GTPBP4: variants seen among roughly 807,000 people sequenced by gnomAD.
GTPBP4 encodes GTP binding protein 4.
Under a neutral mutation model 81.7 loss-of-function variants are expected in GTPBP4, and 15 were observed. The observed-to-expected ratio is 0.18, with a 90% CI of 0.12 to 0.28. The LOEUF is 0.28. Among genes scored for constraint, GTPBP4 ranks in the 10% least tolerant of loss-of-function variants. The pLI, the probability that GTPBP4 is intolerant of heterozygous loss-of-function variation, is 1.00. For synonymous variants in GTPBP4, 272 were observed against 274.6 expected (o/e 0.99, Z 0.09); for missense variants, 847 against 793.8 (o/e 1.07, Z -0.81).
At chr10:1,011,878 T>C (rs1831882388) in intron 13 of GTPBP4, among the ~76,000 whole-genome samples, 1 of 152,178 alleles carries the variant, frequency 6.6e-6, no homozygotes, top group Admixed American at 6.5e-5. Context: ...GAGACTTCCC[T>C]CCTCCGCACA....
chr10:1,016,239 A>T (rs964343892), intron 16 of GTPBP4, among the ~76,000 whole-genome samples: 1 of 152,186 alleles, frequency 6.6e-6, no homozygotes, highest in Non-Finnish European at 1.5e-5. Context: ...AAGTCCAGCA[A>T]GCCCCCCATG....
intron 4 of GTPBP4, 75 bp downstream of exon 4, chr10:996,317 G>A (rs1831537786): frequency 7.5e-7 from 1 of 1,341,024 alleles, no homozygotes; most frequent in Non-Finnish European, 1.0e-6. Flanking sequence ...GACTTGAGAT[G>A]TCTGTTTTTC....
chr10:992,445 T>C, intron 1 of GTPBP4, 44 bp from the exon 2 acceptor site: 1 of 1,179,944 alleles, frequency 8.5e-7, no homozygotes. Flanking sequence ...GGCTCAAAAG[T>C]AGACCCTTTT....
rs774535404 is a variant in GTPBP4 at position 1,019,866 on chromosome 10, C to T, written c.*2639C>T. On this transcript the variant is annotated 3_prime_UTR_variant, in exon 17 of 17. Coordinates refer to ENST00000360803, the MANE Select transcript of GTPBP4 (RefSeq NM_012341.3). Reference sequence around the variant, plus strand: ...ACAGAAATTGGTGCAGTGTTAACAACGCTAATGTAAAACACAGAATTTACA... The same window carrying T: ...ACAGAAATTGGTGCAGTGTTAACAATGCTAATGTAAAACACAGAATTTACA... The T allele has an allele frequency of 3.6e-5, 52 of 1,451,270 alleles. No homozygotes were observed. Among genetic ancestry groups the T allele is most frequent in the Admixed American group, 3.1e-4 (18 of 58,330 alleles). 89.9% of individuals were successfully genotyped at this position (1,451,270 alleles called of 1,614,324 possible).
chr10:990,472 C>T (rs1831422312), intron 1 of GTPBP4, among the ~76,000 whole-genome samples: 1 of 152,042 alleles, frequency 6.6e-6, no homozygotes, highest in African/African-American at 2.4e-5. Context: ...CCTGTAATCC[C>T]AGCACTTTGG....
intron 12 of GTPBP4, 66 bp downstream of exon 12, chr10:1,009,646 G>A: frequency 1.1e-6 from 1 of 901,854 alleles, no homozygotes; most frequent in Admixed American, 1.8e-5. Context: ...CAGAAAATGG[G>A]GGAAAGACTT....
chr10:1,006,938 CT>C (rs1159880983), intron 9 of GTPBP4, 79 bp from the exon 10 acceptor site: 1 of 856,026 alleles, frequency 1.2e-6, no homozygotes, highest in African/African-American at 1.6e-5. Context: ...TGGCTCTGAT[CT>C]GTGGCTCCTC....
intron 13 of GTPBP4, among the ~76,000 whole-genome samples, chr10:1,011,004 C>CACCCCGAGACTCTGGTGGAGATGCTGGG (rs1564470748): frequency 8.1e-6 from 1 of 124,008 alleles, no homozygotes; most frequent in Non-Finnish European, 1.8e-5. Flanking sequence ...CCACCTTCCC[C>CACCCCGAGACTCTGGTGGAGATGCTGGG]CCCACCCTGT....
chr10:1,016,923 CTG>C (rs1832003817), intron 16 of GTPBP4, 150 bp from the exon 17 acceptor site: 1 of 581,896 alleles, frequency 1.7e-6, no homozygotes, highest in African/African-American at 1.9e-5. Context: ...ACAGGGATAA[CTG>C]TGCTGGGCTT....
rs11412135 is a variant in GTPBP4, at chr10:1,014,877, C to CAA, written c.1608+576_1608+577dup. 8.0e-4 allele frequency among the ~76,000 whole-genome samples: 116 copies of CAA among 144,576 alleles called. 1 individual carries two copies. Among genetic ancestry groups the CAA allele is most frequent in the Middle Eastern group, 3.6e-3 (1 of 280 alleles). 94.8% of individuals were successfully genotyped at this position (144,576 alleles called of 152,430 possible). ...TGGGCAACAGAGCAAGACTGTGTCT[C>CAA]AAAAAAAAAAAAGCTCCACAGCCAG... On this transcript the variant is annotated intron_variant, in intron 15 of 16. Transcript: ENST00000360803.
At chr10:994,431 G>T (rs1831502853) in intron 2 of GTPBP4, among the ~76,000 whole-genome samples, 1 of 151,894 alleles carries the variant, frequency 6.6e-6, no homozygotes, top group African/African-American at 2.4e-5. Flanking sequence ...ACTATACCCG[G>T]CTAATTTTTG....
chr10:1,007,008 A>T lies in GTPBP4; in HGVS notation c.1003-10A>T. 1 of 1,569,422 alleles carries T rather than the reference A, an allele frequency of 6.4e-7. No homozygotes were observed. Reference sequence around the variant, plus strand: ...CGTTTGTGACTGTGCCTTCTTTTTTACGTTATTAGGCTTGCGATAGGCTTT... The same window carrying T: ...CGTTTGTGACTGTGCCTTCTTTTTTTCGTTATTAGGCTTGCGATAGGCTTT... On this transcript the variant is annotated splice_polypyrimidine_tract_variant and intron_variant, in intron 9 of 16. Coordinates refer to ENST00000360803, the MANE Select transcript of GTPBP4 (RefSeq NM_012341.3).
chr10:1,010,543 C>A lies in GTPBP4; in HGVS notation c.1344+23C>A, dbSNP rs368837683. The A allele has an allele frequency of 4.0e-6, 5 of 1,248,832 alleles. No individual in the cohort carries two copies. In the East Asian group the frequency reaches 6.9e-5, roughly 17 times the overall value. The allele number at this position is 1,248,832 out of a possible 1,614,324, so 77.4% of individuals were successfully genotyped here. On this transcript the variant is annotated intron_variant, in intron 13 of 16. Transcript: ENST00000360803. ...AAGGTTTGTGTCACTTTTTAAATTG[C>A]GGATTGTTTTCCTTTTTATTATAGT... is the stretch of plus-strand genomic sequence containing the variant.
At chr10:1,012,921 G>A (rs1382060541) in intron 14 of GTPBP4, among the ~76,000 whole-genome samples, 1 of 152,160 alleles carries the variant, frequency 6.6e-6, no homozygotes, top group Non-Finnish European at 1.5e-5. Context: ...GATTAAAACT[G>A]TAACTTATGG....
rs1564470804 is a variant in GTPBP4, at chr10:1,011,056, T to TCTTCCTTGGGGGCTCCGCTGTG, written c.1344+536_1344+537insCTTCCTTGGGGGCTCCGCTGTG. ...GGATGGGCTCTGCTGTGCTGGGCCCTTCATTCTCCTGCATCCCTCCATCCT... is the reference window on the plus strand; with the variant it reads ...GGATGGGCTCTGCTGTGCTGGGCCCTCTTCCTTGGGGGCTCCGCTGTGTCATTCTCCTGCATCCCTCCATCCT... On this transcript the variant is annotated intron_variant, in intron 13 of 16. Coordinates refer to ENST00000360803, the MANE Select transcript of GTPBP4 (RefSeq NM_012341.3). 1.5e-4 allele frequency among the ~76,000 whole-genome samples: 15 copies of TCTTCCTTGGGGGCTCCGCTGTG among 99,374 alleles called. No individual in the cohort carries two copies. The East Asian group carries it at 1.9e-3, about 12-fold the overall frequency. 65.2% of individuals were successfully genotyped at this position (99,374 alleles called of 152,430 possible). A position where few individuals can be genotyped will look rare whatever the true frequency, so the allele number is the denominator to read the frequency against.
Position 1,012,669 on chromosome 10 carries a change from T to C in GTPBP4, c.1542+7T>C. On this transcript the variant is annotated splice_region_variant and intron_variant, in intron 14 of 16. Coordinates refer to ENST00000360803, the MANE Select transcript of GTPBP4 (RefSeq NM_012341.3). ...GCCGCGAACTGCTAAGAAGGCAAGT[T>C]TGTGTCTTTCCAAAGCAGTGTGATC... The C allele has an allele frequency of 1.9e-6, 3 of 1,603,944 alleles. No individual in the cohort carries two copies. Among genetic ancestry groups the C allele is most frequent in the Non-Finnish European group, 2.6e-6 (3 of 1,172,538 alleles).
Position 1,019,493 on chromosome 10 carries a change from T to C in GTPBP4, c.*2266T>C, listed in dbSNP as rs1211812343. Reference sequence around the variant, plus strand: ...CTGCCTGCACTGAGGGCATTACACATGGCTGACTCGACCTCCCTGCCTCTC... The same window carrying C: ...CTGCCTGCACTGAGGGCATTACACACGGCTGACTCGACCTCCCTGCCTCTC... On this transcript the variant is annotated 3_prime_UTR_variant, in exon 17 of 17. Coordinates refer to ENST00000360803, the MANE Select transcript of GTPBP4 (RefSeq NM_012341.3). 1.3e-6 allele frequency: 2 copies of C among 1,590,234 alleles called. No homozygotes were observed. The highest frequency in any genetic ancestry group is 1.3e-5 in the African/African-American group (1 of 74,540).
At chr10:1,004,607 A>T (rs978910507) in intron 8 of GTPBP4, among the ~76,000 whole-genome samples, 117 of 152,170 alleles carry the variant, frequency 7.7e-4, no homozygotes, top group African/African-American at 2.8e-3. Flanking sequence ...TTTCCCAGGA[A>T]GCAGGGCACT....
Position 1,010,449 on chromosome 10 carries a change from A to G in GTPBP4, c.1273A>G (p.Lys425Glu). Residue 425 changes from lysine to glutamate, a missense_variant, in exon 13 of 17, where the codon AAA becomes GAA. This residue lies in a region of GTPBP4 where 600 missense variants were observed against 557.1 expected (regional missense o/e 1.08). Transcript: ENST00000360803. ...KYWDLMNLSE[K>E]HDKIPEIWEG... is the part of the protein sequence containing the mutation. Reference sequence around the variant, plus strand: ...CTGGGATTTAATGAATTTGTCTGAAAAACATGATAAGATACCAGAAATCTG... The same window carrying G: ...CTGGGATTTAATGAATTTGTCTGAAGAACATGATAAGATACCAGAAATCTG... 1 of 1,577,298 alleles carries G rather than the reference A, an allele frequency of 6.3e-7. No individual in the cohort carries two copies. Among genetic ancestry groups the G allele is most frequent in the South Asian group, 1.1e-5 (1 of 90,290 alleles).
Sources: allele counts gnomAD v4.1 joint callset (sites outside exome capture counted in the v4.1 genomes callset), GRCh38; gene constraint gnomAD v4.1.1; regional missense constraint gnomAD v4.1.1; transcripts MANE v1.5; gene names NCBI Gene and HGNC (gene_info 2026-07-23, HGNC 2026-07-21).